The following XYLT1 variants were observed in gnomAD, a reference collection of about 807,000 sequenced individuals.
XYLT1 encodes the protein beta-D-xylosyltransferase 1.
In XYLT1, 36 loss-of-function variants were observed where a neutral mutation model predicts 91.3. That is an observed-to-expected ratio of 0.39 (90% CI 0.30 to 0.52). The LOEUF (loss-of-function observed/expected upper bound fraction) is 0.52, where lower values mean the gene tolerates loss of function less well. Among genes scored for constraint, XYLT1 ranks in the 20% least tolerant of loss-of-function variants. The pLI is 0.68. For missense variants in XYLT1, 1,242 were observed against 1,284.5 expected, an observed-to-expected ratio of 0.97 and a Z score of 0.51; for synonymous variants, 588 against 532.0, an observed-to-expected ratio of 1.11 and a Z score of -1.45.
rs2034656988 is a variant in XYLT1 at position 17,317,662 on chromosome 16, AT to A, written c.402+40349del. ...AAAAAAAAAAAAAAAAAAAAAAGGC[AT>A]CAGGAGCTAGTATTTATGGTATGCA... On this transcript the variant is annotated intron_variant, in intron 2 of 11. Coordinates refer to ENST00000261381, the MANE Select transcript of XYLT1 (RefSeq NM_022166.4). Among the ~76,000 whole-genome samples, 3 of 146,634 alleles carry A rather than the reference AT, an allele frequency of 2.0e-5. No homozygotes were observed. The South Asian group carries it at 6.6e-4, about 32-fold the overall frequency.
At chr16:17,466,257 T>TA (rs1567213640) in intron 1 of XYLT1, among the ~76,000 whole-genome samples, 3 of 152,180 alleles carry the variant, frequency 2.0e-5, no homozygotes, top group Non-Finnish European at 1.5e-5. Context: ...GGTCAAAAGA[T>TA]AGAGACTCTC....
rs111904908 is a variant in XYLT1, at chr16:17,357,994, G to C, written c.402+18C>G. 7.4e-5 allele frequency: 119 copies of C among 1,613,174 alleles called. No individual in the cohort carries two copies. In the African/African-American group the frequency reaches 1.2e-3, roughly 16 times the overall value. ...TACTAAGGCTGAGATAAGTGGCCAA[G>C]ACAGGAAAGATACTTACCTGAGTCT... On this transcript the variant is annotated intron_variant, in intron 2 of 11. Coordinates refer to ENST00000261381, the MANE Select transcript of XYLT1 (RefSeq NM_022166.4).
chr16:17,239,504 TCATC>T (rs147770428), intron 3 of XYLT1, among the ~76,000 whole-genome samples: 76,664 of 127,778 alleles, frequency 0.6, 23,243 homozygotes, highest in Admixed American at 0.69. Flanking sequence ...GTCCATCTAT[TCATC>T]CATCCATCCA....
chr16:17,464,496 A>AG (rs2141962854), intron 1 of XYLT1, among the ~76,000 whole-genome samples: 1 of 151,804 alleles, frequency 6.6e-6, no homozygotes, highest in Non-Finnish European at 1.5e-5. Flanking sequence ...TCTCAAAAAA[A>AG]AAAAAAAAAA....
chr16:17,374,240 A>T (rs752560816), intron 1 of XYLT1, among the ~76,000 whole-genome samples: 1 of 152,234 alleles, frequency 6.6e-6, no homozygotes, highest in Non-Finnish European at 1.5e-5. Flanking sequence ...TAGAATCAAC[A>T]TTGAGAAGGT....
chr16:17,202,188 G>C (rs761072866), intron 3 of XYLT1, among the ~76,000 whole-genome samples: 4 of 152,102 alleles, frequency 2.6e-5, no homozygotes, highest in Non-Finnish European at 5.9e-5. Context: ...AAGAGTTCTG[G>C]GTTTATGGGA....
intron 2 of XYLT1, among the ~76,000 whole-genome samples, chr16:17,295,811 G>C (rs747558759): frequency 1.3e-5 from 2 of 152,282 alleles, no homozygotes; most frequent in East Asian, 3.9e-4. Context: ...TAATGCACAG[G>C]ACGACCCTCC....
At chr16:17,302,642 G>A (rs1397759339) in intron 2 of XYLT1, among the ~76,000 whole-genome samples, 1 of 152,168 alleles carries the variant, frequency 6.6e-6, no homozygotes. Flanking sequence ...AGGTATGATG[G>A]TCCTATGGTT....
At chr16:17,376,548 T>C (rs1041189608) in intron 1 of XYLT1, among the ~76,000 whole-genome samples, 1 of 152,168 alleles carries the variant, frequency 6.6e-6, no homozygotes, top group African/African-American at 2.4e-5. Flanking sequence ...GGGACCTGGC[T>C]GGGCACAGTG....
At position 17,182,077 on chromosome 16, in the gene XYLT1, C is replaced by T. The variant is rs7194868; in HGVS notation, c.1289+16135G>A. 9.3e-3 allele frequency among the ~76,000 whole-genome samples: 1,412 copies of T among 152,232 alleles called. 17 individuals are homozygous for T. Among genetic ancestry groups the T allele is most frequent in the African/African-American group, 0.03 (1,249 of 41,548 alleles). On this transcript the variant is annotated intron_variant, in intron 5 of 11. Coordinates refer to ENST00000261381, the MANE Select transcript of XYLT1 (RefSeq NM_022166.4). Reference sequence around the variant, plus strand: ...CCCACCTGGCTATTCTTCCTTTTACCGCTCCCTGATGGGTAGCATGGTCAT... The same window carrying T: ...CCCACCTGGCTATTCTTCCTTTTACTGCTCCCTGATGGGTAGCATGGTCAT...
chr16:17,186,026 G>C (rs187034315), intron 5 of XYLT1, among the ~76,000 whole-genome samples: 58 of 152,308 alleles, frequency 3.8e-4, no homozygotes, highest in African/African-American at 1.4e-3. Context: ...TATACACAGA[G>C]AGAGAGAGAG....
chr16:17,278,446 G>A (rs1347138031), intron 2 of XYLT1, among the ~76,000 whole-genome samples: 1 of 152,162 alleles, frequency 6.6e-6, no homozygotes, highest in Non-Finnish European at 1.5e-5. Flanking sequence ...TTCCTTTAAG[G>A]GGTATTCCCA....
intron 11 of XYLT1, among the ~76,000 whole-genome samples, chr16:17,109,353 A>C (rs1424577798): frequency 6.6e-6 from 1 of 152,178 alleles, no homozygotes; most frequent in Non-Finnish European, 1.5e-5. Context: ...CATATTTACT[A>C]AACACCCATG....
rs28709752 is a variant in XYLT1, at chr16:17,198,217, G to C, written c.1284C>G (p.Pro428=). Reference sequence around the variant, plus strand: ...GGGGCCCTTGGCTGCCTTACCTGATGGGGTAGTCGGCCGCACTCAGGTTGA... The same window carrying C: ...GGGGCCCTTGGCTGCCTTACCTGATCGGGTAGTCGGCCGCACTCAGGTTGA... ...FFINLSAADY[P]IRTNDQLVAF... is the part of the protein sequence containing the mutation. The change falls in exon 5 of 12, where the codon CCC becomes CCG. Residue 428 remains proline (P), a synonymous_variant. Coordinates refer to ENST00000261381, the MANE Select transcript of XYLT1 (RefSeq NM_022166.4). The C allele has an allele frequency of 0.15, 239,663 of 1,613,874 alleles. 18,885 individuals are homozygous for C. Among genetic ancestry groups the C allele is most frequent in the African/African-American group, 0.21 (16,005 of 74,980 alleles).
At chr16:17,311,589 C>T (rs568173790) in intron 2 of XYLT1, among the ~76,000 whole-genome samples, 1 of 152,336 alleles carries the variant, frequency 6.6e-6, no homozygotes, top group South Asian at 2.1e-4. Context: ...ATCCATGGGA[C>T]TGTGGGTGAA....
intron 2 of XYLT1, among the ~76,000 whole-genome samples, chr16:17,303,432 A>T (rs1008876916): frequency 1.4e-4 from 21 of 152,316 alleles, no homozygotes; most frequent in Admixed American, 6.5e-4. Flanking sequence ...CAGTTTGCAC[A>T]CTTCTGCTTT....
chr16:17,461,786 C>A (rs905873920), intron 1 of XYLT1, among the ~76,000 whole-genome samples: 3 of 152,158 alleles, frequency 2.0e-5, no homozygotes, highest in African/African-American at 7.2e-5. Context: ...GGAGACACCA[C>A]CCAACTTCAA....
chr16:17,277,174 G>A (rs2033989664), intron 2 of XYLT1, among the ~76,000 whole-genome samples: 2 of 152,106 alleles, frequency 1.3e-5, no homozygotes, highest in South Asian at 4.2e-4. Flanking sequence ...ACAATGTTGG[G>A]CATCTGTTAT....
intron 3 of XYLT1, among the ~76,000 whole-genome samples, chr16:17,253,079 T>C (rs1174321680): frequency 6.6e-6 from 1 of 152,208 alleles, no homozygotes; most frequent in Non-Finnish European, 1.5e-5. Context: ...GGTGTCATGG[T>C]TTCCAGAAAG....
Sources: gnomAD v4.1 joint callset for allele counts (sites outside exome capture counted in the v4.1 genomes callset) on GRCh38, gnomAD v4.1.1 for gene constraint, MANE v1.5 for transcripts, NCBI Gene and HGNC (gene_info 2026-07-23, HGNC 2026-07-21) for gene names.